Variants in UBR1 observed in about 807,000 individuals in gnomAD.
The protein encoded by UBR1 is E3 ubiquitin-protein ligase UBR1.
In UBR1, 102 loss-of-function variants were observed where a neutral mutation model predicts 242.1. That is an observed-to-expected ratio of 0.42 (90% CI 0.36 to 0.50). The LOEUF (loss-of-function observed/expected upper bound fraction) is 0.50. UBR1 is among the 20% of genes least tolerant of loss of function. The probability of loss-of-function intolerance (pLI) is 0.01; values close to 1 mark genes in which losing one functional copy is unlikely to be tolerated. For missense variants in UBR1, 1,772 were observed against 2,101.8 expected (o/e 0.84, Z 3.07); for synonymous variants, 675 against 684.8 (o/e 0.99, Z 0.22).
At chr15:43,075,506 G>A (rs1211756970) in intron 3 of UBR1, among the ~76,000 whole-genome samples, 37 of 151,818 alleles carry the variant, frequency 2.4e-4, no homozygotes, top group Admixed American at 2.3e-3. Flanking sequence ...AGTTACATAC[G>A]TATACATGTG....
rs201980552 is a variant in UBR1 at position 43,067,881 on chromosome 15, A to C, written c.798+17T>G. 142 of 1,613,854 alleles carry C rather than the reference A, an allele frequency of 8.8e-5. No homozygotes were observed. Among genetic ancestry groups the C allele is most frequent in the Non-Finnish European group, 1.2e-4 (140 of 1,179,942 alleles). On this transcript the variant is annotated intron_variant, in intron 6 of 46. Coordinates refer to ENST00000290650, the MANE Select transcript of UBR1 (RefSeq NM_174916.3). The stretch of plus-strand genomic sequence containing the variant: ...CTGACAGAAAACAGAAACGCAATTC[A>C]AAAGGAGACCACAAACCTCTTTGTC...
intron 5 of UBR1, among the ~76,000 whole-genome samples, chr15:43,070,442 G>A (rs1339220395): frequency 1.3e-5 from 2 of 152,032 alleles, no homozygotes; most frequent in African/African-American, 4.8e-5. Flanking sequence ...AACCTCCTGA[G>A]GAAACCAGAC....
At chr15:42,968,409 GAGAC>G in intron 40 of UBR1, among the ~76,000 whole-genome samples, 1 of 148,788 alleles carries the variant, frequency 6.7e-6, no homozygotes, top group Middle Eastern at 3.4e-3. Context: ...TTTAAATAGA[GAGAC>G]AGGGTCTTGT....
chr15:42,985,455 C>G (rs150838074), intron 35 of UBR1, among the ~76,000 whole-genome samples: 2 of 151,992 alleles, frequency 1.3e-5, no homozygotes, highest in Non-Finnish European at 2.9e-5. Context: ...TGGGCTCAAG[C>G]GATTCTCCTG....
chr15:43,095,214 A>C (rs1324246178), intron 1 of UBR1, among the ~76,000 whole-genome samples: 1 of 152,240 alleles, frequency 6.6e-6, no homozygotes. Context: ...CAGTGGCTAA[A>C]GTCATTTCTG....
At chr15:43,029,686 C>T (rs1027946306) in intron 21 of UBR1, among the ~76,000 whole-genome samples, 2 of 152,126 alleles carry the variant, frequency 1.3e-5, no homozygotes, top group African/African-American at 4.8e-5. Context: ...TAACACACCA[C>T]CCAGTTTCAG....
chr15:43,058,394 T>C lies in UBR1; in HGVS notation c.1129A>G (p.Ser377Gly). ...TTGTATTCCATCTCCATAAAAAAAC[T>C]GCTGAAGATCAATTCATGAAGGATC... ...RKILHELIFS[S>G]FFMEMEYKKL... Residue 377 changes from serine (S) to glycine (G), a missense_variant, in exon 10 of 47, where the codon AGT (serine) becomes GGT (glycine). Around this residue, in one of 3 missense-constraint regions of UBR1, gnomAD observed 734 missense variants for 893.3 expected, o/e 0.82. Transcript: ENST00000290650. 6.2e-7 allele frequency: 1 copy of C among 1,611,538 alleles called. No individual in the cohort carries two copies. The highest frequency in any genetic ancestry group is 8.5e-7 in the Non-Finnish European group (1 of 1,178,786).
chr15:42,968,760 A>C (rs1203762783), intron 40 of UBR1, among the ~76,000 whole-genome samples: 1 of 152,104 alleles, frequency 6.6e-6, no homozygotes, highest in Non-Finnish European at 1.5e-5. Context: ...TTGTGAGAAC[A>C]TGCGGCATTT....
intron 3 of UBR1, among the ~76,000 whole-genome samples, chr15:43,077,510 G>T (rs536290980): frequency 9.3e-5 from 14 of 151,220 alleles, no homozygotes; most frequent in African/African-American, 2.7e-4. Context: ...CACAAACACT[G>T]CGGAAGGCCG....
intron 32 of UBR1, 139 bp from the exon 33 acceptor site, chr15:42,998,404 CAT>C (rs1189705403): frequency 9.0e-6 from 7 of 781,036 alleles, no homozygotes; most frequent in South Asian, 3.1e-5. Context: ...GTCACAGAAA[CAT>C]GTGTCTAAAA....
chr15:43,010,047 T>C (rs1361693086), intron 29 of UBR1, among the ~76,000 whole-genome samples: 1 of 152,184 alleles, frequency 6.6e-6, no homozygotes, highest in Non-Finnish European at 1.5e-5. Flanking sequence ...AATTTTTTTG[T>C]ATTTTTAGTA....
chr15:43,044,607 T>C (rs2033460528), intron 14 of UBR1, among the ~76,000 whole-genome samples: 1 of 152,150 alleles, frequency 6.6e-6, no homozygotes, highest in Admixed American at 6.6e-5. Context: ...AGAAATTCAG[T>C]AGCGGCTGGG....
At chr15:43,103,533 G>GT (rs2034263418) in intron 1 of UBR1, among the ~76,000 whole-genome samples, 1 of 152,168 alleles carries the variant, frequency 6.6e-6, no homozygotes, top group African/African-American at 2.4e-5. Flanking sequence ...CAGACCTACA[G>GT]TATCAGTTCC....
At chr15:43,078,975 A>C (rs2033941196) in intron 3 of UBR1, among the ~76,000 whole-genome samples, 1 of 152,256 alleles carries the variant, frequency 6.6e-6, no homozygotes, top group South Asian at 2.1e-4. Flanking sequence ...TTTACATTAC[A>C]AAGTATCCAA....
intron 32 of UBR1, among the ~76,000 whole-genome samples, chr15:42,999,097 C>T (rs981738819): frequency 3.9e-5 from 6 of 152,156 alleles, no homozygotes; most frequent in East Asian, 1.9e-4. Flanking sequence ...CCTGCCACCA[C>T]GCCCAGCTAA....
intron 32 of UBR1, 85 bp from the exon 33 acceptor site, chr15:42,998,350 A>T: frequency 8.1e-7 from 1 of 1,238,834 alleles, no homozygotes; most frequent in African/African-American, 1.5e-5. Flanking sequence ...CCTTGGATAA[A>T]TGGTCATATA....
At chr15:43,094,103 T>C (rs2034133526) in intron 1 of UBR1, among the ~76,000 whole-genome samples, 4 of 152,110 alleles carry the variant, frequency 2.6e-5, no homozygotes, top group Admixed American at 2.0e-4. Flanking sequence ...GACTATTTAT[T>C]ACCTTCCTTA....
chr15:42,994,605 T>C (rs2412747), intron 33 of UBR1, among the ~76,000 whole-genome samples: 120,222 of 152,112 alleles, frequency 0.79, 48,830 homozygotes, highest in Non-Finnish European at 0.89. Context: ...AGCGTGAAAA[T>C]AAATAGAAAC....
At chr15:43,061,293 AG>A (rs1050872067) in intron 6 of UBR1, among the ~76,000 whole-genome samples, 6 of 152,218 alleles carry the variant, frequency 3.9e-5, no homozygotes, top group African/African-American at 1.4e-4. Flanking sequence ...GAATCCAGAG[AG>A]GACCTACAGA....
Sources: gnomAD v4.1 joint callset for allele counts (sites outside exome capture counted in the v4.1 genomes callset) on GRCh38, gnomAD v4.1.1 for gene constraint, gnomAD v4.1.1 regional missense constraint, MANE v1.5 for transcripts, NCBI Gene and HGNC (gene_info 2026-07-23, HGNC 2026-07-21) for gene names.